The following PFKM variants were observed in gnomAD, a reference collection of about 807,000 sequenced individuals.
PFKM encodes ATP-dependent 6-phosphofructokinase, muscle type.
In PFKM, 58 loss-of-function variants were observed where a neutral mutation model predicts 95.5. The observed-to-expected ratio is 0.61, with a 90% confidence interval of 0.49 to 0.76. The LOEUF (loss-of-function observed/expected upper bound fraction) is 0.76, where lower values mean the gene tolerates loss of function less well. PFKM is among the 30% of genes least tolerant of loss of function. The probability of loss-of-function intolerance (pLI) is 0.00; values close to 1 mark genes in which losing one functional copy is unlikely to be tolerated. For synonymous variants in PFKM, 336 were observed against 357.2 expected (o/e 0.94, Z 0.67); for missense variants, 678 against 1,005.4 (o/e 0.67, Z 4.40).
chr12:48,121,285 A>C (rs1378803751), intron 1 of PFKM, among the ~76,000 whole-genome samples: 1 of 152,242 alleles, frequency 6.6e-6, no homozygotes, highest in African/African-American at 2.4e-5. Flanking sequence ...GGAAGAGCAA[A>C]GTAATGTTCA....
At chr12:48,118,703 C>T (rs1947890356), upstream of PFKM, 2 of 650,842 alleles carry the variant, frequency 3.1e-6, no homozygotes, top group Non-Finnish European at 5.6e-6. Context: ...CGCCCCCATC[C>T]CTCCCCACTG....
Position 48,144,994 on chromosome 12 carries a change from G to C in PFKM, c.1993-37G>C, listed in dbSNP as rs375075489. On this transcript the variant is annotated intron_variant, in intron 20 of 22. Coordinates refer to ENST00000359794, the MANE Select transcript of PFKM (RefSeq NM_000289.6). ...TAGATATCTCTGCCACTTCATTAGAGTCCTTCCCTCTGTAATTTTTATGTT... is the reference window on the plus strand; with the variant it reads ...TAGATATCTCTGCCACTTCATTAGACTCCTTCCCTCTGTAATTTTTATGTT... 8 of 1,406,374 alleles carry C rather than the reference G, an allele frequency of 5.7e-6. No individual in the cohort carries two copies. The African/African-American group carries it at 9.9e-5, about 17-fold the overall frequency. 87.1% of individuals were successfully genotyped at this position (1,406,374 alleles called of 1,614,324 possible). A position where few individuals can be genotyped will look rare whatever the true frequency, so the allele number is the denominator to read the frequency against.
At chr12:48,130,876 C>T (rs1159752344) in intron 3 of PFKM, among the ~76,000 whole-genome samples, 1 of 152,202 alleles carries the variant, frequency 6.6e-6, no homozygotes, top group Non-Finnish European at 1.5e-5. Flanking sequence ...TTCACCCACT[C>T]TTCTTTTTAT....
rs1403444734 is a variant in PFKM at position 48,108,188 on chromosome 12, A to T, written c.199A>T (p.Lys67Ter). The T allele has an allele frequency of 6.3e-7, 1 of 1,598,016 alleles. No homozygotes were observed. Among genetic ancestry groups the T allele is most frequent in the Non-Finnish European group, 8.5e-7 (1 of 1,179,114 alleles). Residue 67 changes from lysine (K) to a stop codon, truncating the protein, a stop_gained, in exon 3 of 25, where the codon AAA (lysine) becomes TAA (stop). Coordinates refer to the PFKM transcript ENST00000340802. LOFTEE classifies it high-confidence loss of function. ...CACCGTGGGAAGCATACCTGTTTTC[A>T]AAACTGGTGAGGCATGTGGGTCAAC...
intron 11 of PFKM, 108 bp downstream of exon 11, chr12:48,137,954 G>A: frequency 8.3e-7 from 1 of 1,206,318 alleles, no homozygotes; most frequent in African/African-American, 1.5e-5. Flanking sequence ...CAGGTGGAAA[G>A]GCAAGATGGT....
chr12:48,132,433 A>AAATACTAC (rs1385209982), intron 4 of PFKM, among the ~76,000 whole-genome samples: 1 of 152,226 alleles, frequency 6.6e-6, no homozygotes, highest in East Asian at 1.9e-4. Flanking sequence ...GAGAGAGGAA[A>AAATACTAC]AATACTACAA....
At chr12:48,135,244 T>A (rs766522254) in intron 9 of PFKM, 47 bp from the exon 10 acceptor site, 2 of 1,502,780 alleles carry the variant, frequency 1.3e-6, no homozygotes, top group Non-Finnish European at 1.9e-6. Flanking sequence ...GTTTTCTTCC[T>A]TTGACTCTGC....
In PFKM at chr12:48,137,176, C is replaced by G. The variant is rs141470295; in HGVS notation, c.937-545C>G. ...TCCTGGGTTCAAGGGATTCTTCTACCTCAGCCTCCTGAGTAGCTAGGATTA... is the reference window on the plus strand; with the variant it reads ...TCCTGGGTTCAAGGGATTCTTCTACGTCAGCCTCCTGAGTAGCTAGGATTA... On this transcript the variant is annotated intron_variant, in intron 10 of 22. Coordinates refer to ENST00000359794, the MANE Select transcript of PFKM (RefSeq NM_000289.6). Among the ~76,000 whole-genome samples, 543 of 151,916 alleles carry G rather than the reference C, an allele frequency of 3.6e-3. 2 individuals carry two copies. Among genetic ancestry groups the G allele is most frequent in the African/African-American group, 0.012 (514 of 41,390 alleles).
chr12:48,108,131 T>C (rs750793188), exon 3 of PFKM: 2 of 1,599,356 alleles, frequency 1.3e-6, no homozygotes, highest in South Asian at 2.2e-5. Context: ...GACAGACATC[T>C]TGAAGAGTCT....
At position 48,141,376 on chromosome 12, in the gene PFKM, T is replaced by C. The variant is rs1293699137; in HGVS notation, c.1407T>C (p.Thr469=). 3.7e-6 allele frequency: 6 copies of C among 1,613,778 alleles called. No homozygotes were observed. Among genetic ancestry groups the C allele is most frequent in the Non-Finnish European group, 4.2e-6 (5 of 1,179,796 alleles). Residue 469 remains threonine (T), a synonymous_variant, in exon 15 of 23, where the codon ACT becomes ACC. Transcript: ENST00000359794. The part of the protein sequence containing the change: ...WTGQGGSKLG[T]KRTLPKKSFE... Reference sequence around the variant, plus strand: ...GCCAAGGTGGCTCTAAACTTGGGACTAAAAGGTAAGTAGCACTGCAGAGGC... The same window carrying C: ...GCCAAGGTGGCTCTAAACTTGGGACCAAAAGGTAAGTAGCACTGCAGAGGC...
chr12:48,119,951 T>C (rs1274434677), intron 1 of PFKM: 1 of 152,146 alleles, frequency 6.6e-6, no homozygotes. Flanking sequence ...TAAACTCCTC[T>C]TGTTATGGCG....
chr12:48,129,644 G>C (rs1453752710), intron 2 of PFKM, among the ~76,000 whole-genome samples: 2 of 152,170 alleles, frequency 1.3e-5, no homozygotes, highest in East Asian at 3.8e-4. Context: ...CAAAAAAGGG[G>C]GGTGTGTGTG....
At chr12:48,130,265 C>T (rs1009119479) in intron 2 of PFKM, 98 bp from the exon 3 acceptor site, 14 of 823,438 alleles carry the variant, frequency 1.7e-5, no homozygotes, top group Non-Finnish European at 3.1e-5. Context: ...AAATAAAGTA[C>T]TGATTCGTTA....
intron 15 of PFKM, 100 bp from the exon 16 acceptor site, chr12:48,141,640 A>G: frequency 2.1e-6 from 2 of 954,172 alleles, no homozygotes; most frequent in East Asian, 2.4e-5. Flanking sequence ...GAAATTAAAA[A>G]TAAAGTGCCT....
At chr12:48,131,217 G>T in intron 3 of PFKM, 99 bp from the exon 4 acceptor site, 1 of 829,770 alleles carries the variant, frequency 1.2e-6, no homozygotes, top group South Asian at 1.4e-5. Flanking sequence ...GGGAGGAGGT[G>T]GCTTGACTCT....
upstream of PFKM, among the ~76,000 whole-genome samples, chr12:48,119,039 A>G (rs530689462): frequency 6.6e-6 from 1 of 152,304 alleles, no homozygotes; most frequent in Admixed American, 6.5e-5. Flanking sequence ...GGCAGTCTGG[A>G]CTAGGAAAAA....
At chr12:48,143,608 G>A in intron 18 of PFKM, 145 bp from the exon 19 acceptor site, 2 of 709,402 alleles carry the variant, frequency 2.8e-6, no homozygotes, top group Middle Eastern at 7.3e-4. Flanking sequence ...CTTCTTACAG[G>A]AATTAGGCAC....
intron 2 of PFKM, among the ~76,000 whole-genome samples, chr12:48,124,140 C>A (rs1385310940): frequency 6.6e-6 from 1 of 152,072 alleles, no homozygotes; most frequent in African/African-American, 2.4e-5. Flanking sequence ...TAAAGCTAGA[C>A]TTTTTAAACT....
intron 2 of PFKM, among the ~76,000 whole-genome samples, chr12:48,128,006 C>T (rs1949032044): frequency 6.6e-6 from 1 of 152,226 alleles, no homozygotes; most frequent in African/African-American, 2.4e-5. Flanking sequence ...AGAGCTTCAT[C>T]TCTCACCATT....
Sources: gnomAD v4.1 joint callset for allele counts (sites outside exome capture counted in the v4.1 genomes callset) on GRCh38, gnomAD v4.1.1 for gene constraint, MANE v1.5 for transcripts, NCBI Gene and HGNC (gene_info 2026-07-23, HGNC 2026-07-21) for gene names.